The following HTR4 variants were observed in gnomAD, a reference collection of about 807,000 sequenced individuals.
The protein encoded by HTR4 is 5-hydroxytryptamine (serotonin) receptor 4, G protein-coupled.
Under a neutral mutation model 36.8 loss-of-function variants are expected in HTR4, and 16 were observed. The ratio of observed to expected loss-of-function variants is 0.43; its 90% CI spans 0.29 to 0.66. The LOEUF is 0.66. Ranked by LOEUF, HTR4 falls within the 30% of genes least tolerant of loss-of-function variation. The probability of loss-of-function intolerance (pLI) is 0.13; values close to 1 mark genes in which losing one functional copy is unlikely to be tolerated. For synonymous variants in HTR4, 189 were observed against 185.1 expected, an observed-to-expected ratio of 1.02 and a Z score of -0.17; for missense variants, 438 against 490.9, an observed-to-expected ratio of 0.89 and a Z score of 1.02.
Position 148,561,474 on chromosome 5 carries a change from A to G in HTR4, c.27-11212T>C, listed in dbSNP as rs1760204573. 3.9e-5 allele frequency among the ~76,000 whole-genome samples: 6 copies of G among 152,354 alleles called. No homozygotes were observed. The South Asian group carries it at 1.2e-3, about 32-fold the overall frequency. Reference sequence around the variant, plus strand: ...GAAATGCCAAATAATAGTGCTAGTCAATTAGACCTCAGAGGTGGTCTCTCT... The same window carrying G: ...GAAATGCCAAATAATAGTGCTAGTCGATTAGACCTCAGAGGTGGTCTCTCT... On this transcript the variant is annotated intron_variant, in intron 2 of 6. Transcript: ENST00000377888.
intron 2 of HTR4, among the ~76,000 whole-genome samples, chr5:148,560,693 A>G (rs1760168067): frequency 6.6e-6 from 1 of 152,200 alleles, no homozygotes; most frequent in African/African-American, 2.4e-5. Flanking sequence ...GTGATGTAAT[A>G]TCATGATGCC....
At chr5:148,559,476 T>C (rs531320148) in intron 2 of HTR4, among the ~76,000 whole-genome samples, 1 of 152,288 alleles carries the variant, frequency 6.6e-6, no homozygotes, top group South Asian at 2.1e-4. Flanking sequence ...AATCCATGAG[T>C]ATGTTGTTTT....
At chr5:148,508,874 C>T (rs1290259191) in intron 6 of HTR4, among the ~76,000 whole-genome samples, 1 of 151,904 alleles carries the variant, frequency 6.6e-6, no homozygotes, top group Non-Finnish European at 1.5e-5. Context: ...TATATTATCT[C>T]TACTCATCAG....
chr5:148,508,155 T>C lies in HTR4; in HGVS notation c.1076+1301A>G, dbSNP rs566828007. Reference sequence around the variant, plus strand: ...TTTTCTTTTCTTCTTTTCTTACACATGCAAATGAAAATATCCCCCAATTTT... The same window carrying C: ...TTTTCTTTTCTTCTTTTCTTACACACGCAAATGAAAATATCCCCCAATTTT... On this transcript the variant is annotated intron_variant, in intron 6 of 6. Transcript: ENST00000377888. Among the ~76,000 whole-genome samples the C allele has an allele frequency of 2.6e-5, 4 of 152,274 alleles. No homozygotes were observed. In the East Asian group the frequency reaches 7.7e-4, roughly 29 times the overall value.
At chr5:148,518,173 C>T (rs777634517) in intron 5 of HTR4, among the ~76,000 whole-genome samples, 5 of 152,042 alleles carry the variant, frequency 3.3e-5, no homozygotes, top group Non-Finnish European at 4.4e-5. Flanking sequence ...ATCTGCTATC[C>T]GGTTCACCTG....
intron 2 of HTR4, among the ~76,000 whole-genome samples, chr5:148,584,530 C>G (rs892926055): frequency 1.3e-5 from 2 of 152,156 alleles, no homozygotes; most frequent in Admixed American, 6.6e-5. Flanking sequence ...CCTAAGCAAT[C>G]AGACATTCTG....
intron 5 of HTR4, among the ~76,000 whole-genome samples, chr5:148,467,750 A>C (rs1434396926): frequency 6.6e-6 from 1 of 152,024 alleles, no homozygotes. Flanking sequence ...GGCTGTTTGC[A>C]TTTTTCACTG....
At position 148,482,996 on chromosome 5, in the gene HTR4, A is replaced by G; in HGVS notation, c.*207T>C. On this transcript the variant is annotated 3_prime_UTR_variant, in exon 7 of 7. Coordinates refer to ENST00000377888, the MANE Select transcript of HTR4 (RefSeq NM_000870.7). ...GGGAGTGTTGGGAAATAAAAAGTGA[A>G]CAAGGAGGCCATTATGTCCCCTGAC... 7.0e-7 allele frequency: 1 copy of G among 1,426,814 alleles called. No homozygotes were observed. Among genetic ancestry groups the G allele is most frequent in the Non-Finnish European group, 9.2e-7 (1 of 1,088,192 alleles). 88.4% of individuals were successfully genotyped at this position (1,426,814 alleles called of 1,614,324 possible). A position where few individuals can be genotyped will look rare whatever the true frequency, so the allele number is the denominator to read the frequency against.
At chr5:148,467,616 G>T (rs948356007) in intron 5 of HTR4, among the ~76,000 whole-genome samples, 10 of 152,210 alleles carry the variant, frequency 6.6e-5, no homozygotes, top group African/African-American at 2.4e-4. Context: ...GAAATCTAAG[G>T]TATTACTATA....
chr5:148,632,814 C>T (rs566020839), intron 2 of HTR4, among the ~76,000 whole-genome samples: 1 of 152,236 alleles, frequency 6.6e-6, no homozygotes, highest in East Asian at 1.9e-4. Context: ...CACGTGTCAG[C>T]CGGGAGAATC....
intron 2 of HTR4, among the ~76,000 whole-genome samples, chr5:148,593,429 G>A (rs1245545969): frequency 2.0e-5 from 3 of 152,060 alleles, no homozygotes; most frequent in Non-Finnish European, 1.5e-5. Context: ...GTTCCAGTCA[G>A]CTAACCAAGA....
At chr5:148,466,661 A>T (rs1483801752) in intron 5 of HTR4, among the ~76,000 whole-genome samples, 2 of 152,228 alleles carry the variant, frequency 1.3e-5, no homozygotes, top group East Asian at 3.8e-4. Flanking sequence ...ACACATAGAG[A>T]CATTACCAGT....
intron 1 of HTR4, among the ~76,000 whole-genome samples, chr5:148,647,063 C>T (rs977475264): frequency 6.6e-6 from 1 of 152,178 alleles, no homozygotes; most frequent in Non-Finnish European, 1.5e-5. Flanking sequence ...CTCTTGGCAT[C>T]ATGTGACTTT....
intron 2 of HTR4, among the ~76,000 whole-genome samples, chr5:148,597,382 G>A (rs1311362139): frequency 2.0e-5 from 3 of 152,192 alleles, no homozygotes; most frequent in African/African-American, 2.4e-5. Flanking sequence ...TGAGGGTAAT[G>A]TGTTTAAAAT....
chr5:148,451,986 TCAC>T (rs761479296), intron 5 of HTR4, among the ~76,000 whole-genome samples: 18 of 152,208 alleles, frequency 1.2e-4, no homozygotes, highest in Non-Finnish European at 2.1e-4. Context: ...AGAAGCATGT[TCAC>T]CACTCATTTC....
intron 1 of HTR4, among the ~76,000 whole-genome samples, chr5:148,649,232 T>C (rs1317197371): frequency 1.3e-5 from 2 of 151,190 alleles, no homozygotes; most frequent in Non-Finnish European, 2.9e-5. Flanking sequence ...TCTGAGTAAG[T>C]GCTTAGAGAT....
At chr5:148,459,891 T>C (rs1202768235) in intron 5 of HTR4, among the ~76,000 whole-genome samples, 1 of 152,014 alleles carries the variant, frequency 6.6e-6, no homozygotes, top group Non-Finnish European at 1.5e-5. Context: ...AAGGGTCTAA[T>C]GGAAAAAGTA....
intron 5 of HTR4, among the ~76,000 whole-genome samples, chr5:148,468,967 C>T (rs1043816417): frequency 2.0e-5 from 3 of 152,010 alleles, no homozygotes; most frequent in Non-Finnish European, 4.4e-5. Context: ...ATTTACTTCC[C>T]GTTCCGCCGT....
chr5:148,468,737 G>C (rs953181908), intron 5 of HTR4, among the ~76,000 whole-genome samples: 1 of 152,112 alleles, frequency 6.6e-6, no homozygotes, highest in African/African-American at 2.4e-5. Flanking sequence ...ATGGCTGGCT[G>C]TGTCCCCTCC....
Sources: gnomAD v4.1 joint callset for allele counts (sites outside exome capture counted in the v4.1 genomes callset) on GRCh38, gnomAD v4.1.1 for gene constraint, MANE v1.5 for transcripts, NCBI Gene and HGNC (gene_info 2026-07-23, HGNC 2026-07-21) for gene names.